The following RUFY3 variants were observed in gnomAD, a reference collection of about 807,000 sequenced individuals.
RUFY3 encodes the protein protein RUFY3.
In RUFY3, 34 loss-of-function variants were observed where a neutral mutation model predicts 84.0. The observed-to-expected ratio is 0.40, with a 90% CI of 0.31 to 0.54. The LOEUF (loss-of-function observed/expected upper bound fraction) is 0.54. Ranked by LOEUF, RUFY3 falls within the 20% of genes least tolerant of loss-of-function variation. The probability of loss-of-function intolerance (pLI) is 0.39; values close to 1 mark genes in which losing one functional copy is unlikely to be tolerated. For missense variants in RUFY3, 507 were observed against 736.8 expected, an observed-to-expected ratio of 0.69 and a Z score of 3.61; for synonymous variants, 242 against 252.9, an observed-to-expected ratio of 0.96 and a Z score of 0.41.
intron 1 of RUFY3, among the ~76,000 whole-genome samples, chr4:70,711,947 T>G (rs1242671020): frequency 6.6e-6 from 1 of 152,230 alleles, no homozygotes; most frequent in Admixed American, 6.5e-5. Flanking sequence ...CCTATTCTTC[T>G]GGCCTGGCAT....
chr4:70,729,931 T>G (rs1454803802), intron 1 of RUFY3, among the ~76,000 whole-genome samples: 1 of 133,836 alleles, frequency 7.5e-6, no homozygotes. Context: ...TTTTTGTTTC[T>G]TTCGTTTTTT....
chr4:70,778,472 A>G, intron 8 of RUFY3, 34 bp downstream of exon 8: 1 of 1,170,958 alleles, frequency 8.5e-7, no homozygotes, highest in Admixed American at 1.8e-5. Context: ...TGACTTATAG[A>G]ATTTAATATG....
intron 1 of RUFY3, among the ~76,000 whole-genome samples, chr4:70,754,820 C>T (rs375743188): frequency 3.9e-5 from 6 of 151,996 alleles, no homozygotes; most frequent in African/African-American, 1.4e-4. Flanking sequence ...TATTGTTCTT[C>T]AGTCATTCCC....
intron 5 of RUFY3, among the ~76,000 whole-genome samples, chr4:70,771,699 T>C (rs1184269445): frequency 6.6e-6 from 1 of 151,992 alleles, no homozygotes; most frequent in Admixed American, 6.6e-5. Context: ...ACCCAGCTAA[T>C]TTTTTTGTTT....
chr4:70,794,871 T>C lies in RUFY3; in HGVS notation c.1534T>C (p.Ser512Pro), dbSNP rs746219963. Reference sequence around the variant, plus strand: ...CGACAGGAGCATCCCAGGAAGGGGTTCCCAGAAGTCAGAATCCAAGATGGT... The same window carrying C: ...CGACAGGAGCATCCCAGGAAGGGGTCCCCAGAAGTCAGAATCCAAGATGGT... ...QNDRSIPGRG[S>P]QKSESKMDGK... Residue 512 changes from serine to proline, a missense_variant, in exon 14 of 18, where the codon TCC (serine) becomes CCC (proline). Ser to Pro is a moderately conservative substitution (Grantham distance 74). Transcript: ENST00000381006. The C allele has an allele frequency of 6.2e-7, 1 of 1,609,400 alleles. No individual in the cohort carries two copies. Among genetic ancestry groups the C allele is most frequent in the East Asian group, 2.2e-5 (1 of 44,848 alleles).
intron 1 of RUFY3, chr4:70,734,288 C>A: frequency 2.0e-6 from 1 of 488,280 alleles, no homozygotes; most frequent in Non-Finnish European, 2.7e-6. Flanking sequence ...CATTGGGATT[C>A]TCTTTTTCAC....
chr4:70,764,707 T>C, intron 4 of RUFY3, 131 bp downstream of exon 4: 1 of 601,468 alleles, frequency 1.7e-6, no homozygotes, highest in East Asian at 2.8e-5. Flanking sequence ...ATACTTTCTC[T>C]CATACCTCAC....
At chr4:70,727,954 T>C (rs1184422465) in intron 1 of RUFY3, among the ~76,000 whole-genome samples, 1 of 152,108 alleles carries the variant, frequency 6.6e-6, no homozygotes, top group African/African-American at 2.4e-5. Flanking sequence ...TTACCCTTAA[T>C]AAGTTTACCT....
intron 5 of RUFY3, among the ~76,000 whole-genome samples, chr4:70,771,266 A>G (rs1429124051): frequency 6.6e-6 from 1 of 152,122 alleles, no homozygotes; most frequent in African/African-American, 2.4e-5. Flanking sequence ...TTTGTAAAAA[A>G]TGCAATATCT....
At chr4:70,747,073 C>G in intron 1 of RUFY3, among the ~76,000 whole-genome samples, 1 of 152,168 alleles carries the variant, frequency 6.6e-6, no homozygotes, top group Non-Finnish European at 1.5e-5. Flanking sequence ...CATGGTATCT[C>G]TCGATATTAT....
intron 14 of RUFY3, among the ~76,000 whole-genome samples, chr4:70,795,783 A>G (rs1027031328): frequency 2.0e-5 from 3 of 152,202 alleles, no homozygotes; most frequent in African/African-American, 2.4e-5. Context: ...TCTTTTTTAC[A>G]TTATTAACTG....
At chr4:70,751,245 C>T (rs1723085442) in intron 1 of RUFY3, among the ~76,000 whole-genome samples, 1 of 152,054 alleles carries the variant, frequency 6.6e-6, no homozygotes, top group Non-Finnish European at 1.5e-5. Context: ...TCTTCAGTGT[C>T]TATTGTTGGC....
chr4:70,738,313 A>G (rs1211370913), intron 1 of RUFY3, among the ~76,000 whole-genome samples: 2 of 146,214 alleles, frequency 1.4e-5, no homozygotes, highest in African/African-American at 5.1e-5. Flanking sequence ...AGCTTATGTC[A>G]TACTTATTTA....
intron 1 of RUFY3, among the ~76,000 whole-genome samples, chr4:70,740,344 G>A (rs1471895502): frequency 3.9e-5 from 6 of 152,124 alleles, no homozygotes; most frequent in Non-Finnish European, 5.9e-5. Context: ...ATGTCTGTTT[G>A]TAACAGAAAA....
intron 1 of RUFY3, among the ~76,000 whole-genome samples, chr4:70,712,816 T>C (rs985998513): frequency 6.6e-6 from 1 of 152,176 alleles, no homozygotes; most frequent in Non-Finnish European, 1.5e-5. Flanking sequence ...GTAGCCAACA[T>C]AAATAAAAGT....
At chr4:70,705,088 C>A (rs950106463) in exon 1 of RUFY3, 9 of 1,339,680 alleles carry the variant, frequency 6.7e-6, no homozygotes, top group African/African-American at 1.5e-5. Context: ...CCGGCCTCCC[C>A]CGCCGGGCAG....
intron 10 of RUFY3, among the ~76,000 whole-genome samples, chr4:70,785,898 G>A (rs927291807): frequency 6.6e-6 from 1 of 152,078 alleles, no homozygotes; most frequent in African/African-American, 2.4e-5. Flanking sequence ...TCCCACTACT[G>A]GGGATATATC....
At chr4:70,805,164 G>A (rs1215290368) in intron 17 of RUFY3, among the ~76,000 whole-genome samples, 1 of 152,192 alleles carries the variant, frequency 6.6e-6, no homozygotes, top group Non-Finnish European at 1.5e-5. Flanking sequence ...AGTCATAAGT[G>A]ATGAAGCCCA....
intron 10 of RUFY3, among the ~76,000 whole-genome samples, chr4:70,787,206 A>G (rs1730016798): frequency 1.5e-5 from 2 of 137,114 alleles, no homozygotes; most frequent in Non-Finnish European, 3.1e-5. Context: ...ATATATATAT[A>G]TATATATAAA....
Sources: gnomAD v4.1 joint callset for allele counts (sites outside exome capture counted in the v4.1 genomes callset) on GRCh38, gnomAD v4.1.1 for gene constraint, MANE v1.5 for transcripts, NCBI Gene and HGNC (gene_info 2026-07-23, HGNC 2026-07-21) for gene names.